ASPM: variants seen among roughly 807,000 people sequenced by gnomAD.
ASPM encodes assembly factor for spindle microtubules, also known as abnormal spindle-like microcephaly-associated protein.
ASPM carries 256 observed loss-of-function variants against 366.4 expected under a neutral mutation model. That is an observed-to-expected ratio of 0.70 (90% CI 0.63 to 0.77). The LOEUF (loss-of-function observed/expected upper bound fraction) is 0.77. Among genes scored for constraint, ASPM ranks in the 30% least tolerant of loss-of-function variants. The pLI is 0.00. For missense variants in ASPM, 4,146 were observed against 4,090.4 expected, an observed-to-expected ratio of 1.01 and a Z score of -0.37; for synonymous variants, 1,414 against 1,342.9, an observed-to-expected ratio of 1.05 and a Z score of -1.16.
Position 197,130,070 on chromosome 1 carries a change from A to T in ASPM, c.2488-14T>A. ...TCCATAAGTTGTCTGAAAATAAATT[A>T]AAGCCAAAGTCAGAATTATGCTATC... On this transcript the variant is annotated splice_polypyrimidine_tract_variant and intron_variant, in intron 7 of 27. Transcript: ENST00000367409. 1 of 1,612,314 alleles carries T rather than the reference A, an allele frequency of 6.2e-7. No individual in the cohort carries two copies. The highest frequency in any genetic ancestry group is 8.5e-7 in the Non-Finnish European group (1 of 1,178,942).
Position 197,091,959 on chromosome 1 carries a change from T to G in ASPM, c.9392A>C (p.Tyr3131Ser). Residue 3131 changes from tyrosine (Y) to serine (S), a missense_variant, in exon 22 of 28, where the codon TAC (tyrosine) becomes TCC (serine). Coordinates refer to ENST00000367409, the MANE Select transcript of ASPM (RefSeq NM_018136.5). ...AVRIQRAYKL[Y>S]LAVKNANKQV... Reference sequence around the variant, plus strand: ...CTTGTTAGCATTCTTCACAGCCAGGTAAAGTTTATAGGCTCTTTGAATTCT... The same window carrying G: ...CTTGTTAGCATTCTTCACAGCCAGGGAAAGTTTATAGGCTCTTTGAATTCT... 2 of 1,611,636 alleles carry G rather than the reference T, an allele frequency of 1.2e-6. No individual in the cohort carries two copies. The highest frequency in any genetic ancestry group is 1.7e-6 in the Non-Finnish European group (2 of 1,178,848).
chr1:197,100,377 T>C, intron 18 of ASPM, 54 bp downstream of exon 18: 6 of 1,192,368 alleles, frequency 5.0e-6, no homozygotes, highest in Non-Finnish European at 7.0e-6. Flanking sequence ...TTCTAACAAA[T>C]ATTGGTCAAA....
chr1:197,122,190 G>T lies in ASPM; in HGVS notation c.3710C>A (p.Ser1237Ter). The T allele has an allele frequency of 6.2e-7, 1 of 1,611,910 alleles. No individual in the cohort carries two copies. The highest frequency in any genetic ancestry group is 1.1e-5 in the South Asian group (1 of 91,010). Residue 1237 changes from serine to a stop codon, truncating the protein, a stop_gained, in exon 15 of 28, where the codon TCA (serine) becomes TAA (stop). Transcript: ENST00000367409. LOFTEE classifies it high-confidence loss of function. The stretch of plus-strand genomic sequence containing the variant: ...ATCTGGAATTGTATTTGACATATCT[G>T]AATGATTAATCATAGCAGGTATTCC... ...LGGIPAMINH[S>*]DMSNTIPDEK...
At chr1:197,118,053 A>T in intron 16 of ASPM, 70 bp from the exon 17 acceptor site, 1 of 1,415,872 alleles carries the variant, frequency 7.1e-7, no homozygotes, top group South Asian at 1.2e-5. Context: ...TTTGTAAGAT[A>T]ACCATATGTT....
At position 197,117,825 on chromosome 1, in the gene ASPM, C is replaced by A; in HGVS notation, c.4029G>T (p.Leu1343=). 2 of 1,612,652 alleles carry A rather than the reference C, an allele frequency of 1.2e-6. No homozygotes were observed. The highest frequency in any genetic ancestry group is 1.3e-5 in the African/African-American group (1 of 74,916). The part of the protein sequence containing the change: ...RKLLMLKKEK[L]EKVQNKAASL... ...ATGCTGCTTTATTTTGAACTTTTTC[C>A]AGCTTTTCCTTTTTTAACATTAATA... Residue 1343 remains leucine (L), a synonymous_variant, in exon 17 of 28, where the codon CTG becomes CTT. Coordinates refer to ENST00000367409, the MANE Select transcript of ASPM (RefSeq NM_018136.5).
At chr1:197,084,587 T>C (rs575096919) in intron 27 of ASPM, among the ~76,000 whole-genome samples, 161 bp from the exon 28 acceptor site, 23 of 152,304 alleles carry the variant, frequency 1.5e-4, no homozygotes, top group Non-Finnish European at 2.5e-4. Context: ...TGCCCATCAC[T>C]AGTTCCAGAC....
chr1:197,104,134 A>G lies in ASPM; in HGVS notation c.5117T>C (p.Leu1706Pro), dbSNP rs1178372833. 1 of 1,612,800 alleles carries G rather than the reference A, an allele frequency of 6.2e-7. No homozygotes were observed. The highest frequency in any genetic ancestry group is 1.3e-5 in the African/African-American group (1 of 74,822). ...KQYLHLRAAA[L>P]FIQQCYRSKK... ...GGAACGGTAACATTGCTGGATAAAT[A>G]GTGCAGCTGCTCTTAAATGCAAATA... Residue 1706 changes from leucine (L) to proline (P), a missense_variant, in exon 18 of 28, where the codon CTA becomes CCA. Around this residue, in one of 3 missense-constraint regions of ASPM, gnomAD observed 3,624 missense variants for 3,591.7 expected, o/e 1.01. Transcript: ENST00000367409.
chr1:197,135,392 T>G, intron 4 of ASPM, 150 bp from the exon 5 acceptor site: 2 of 818,496 alleles, frequency 2.4e-6, no homozygotes, highest in African/African-American at 1.7e-5. Flanking sequence ...CTGAAAGCAT[T>G]TTGGGTAAGA....
chr1:197,145,745 CAG>C (rs1259103098), intron 1 of ASPM, among the ~76,000 whole-genome samples: 1 of 151,964 alleles, frequency 6.6e-6, no homozygotes, highest in African/African-American at 2.4e-5. Context: ...GTCAATTTAA[CAG>C]AGAAGTCTAT....
At chr1:197,126,171 T>TG (rs1395011768) in intron 10 of ASPM, among the ~76,000 whole-genome samples, 4 of 151,198 alleles carry the variant, frequency 2.6e-5, no homozygotes, top group African/African-American at 9.7e-5. Context: ...CCAGCCGCGG[T>TG]GGCTCACGCC....
chr1:197,096,472 T>G (rs1656979536), intron 18 of ASPM, among the ~76,000 whole-genome samples: 1 of 151,880 alleles, frequency 6.6e-6, no homozygotes, highest in East Asian at 1.9e-4. Flanking sequence ...CCCCACATTA[T>G]GTAAATTATC....
rs1215586674 is a variant in ASPM at position 197,103,558 on chromosome 1, T to C, written c.5693A>G (p.His1898Arg). The C allele has an allele frequency of 6.2e-7, 1 of 1,612,990 alleles. No individual in the cohort carries two copies. Among genetic ancestry groups the C allele is most frequent in the Non-Finnish European group, 8.5e-7 (1 of 1,179,518 alleles). Residue 1898 changes from histidine (H) to arginine (R), a missense_variant, in exon 18 of 28, where the codon CAT becomes CGT. Physicochemically the swap from His to Arg is conservative, Grantham distance 29 (BLOSUM62 0). This residue lies in a region of ASPM where 3,624 missense variants were observed against 3,591.7 expected (regional missense o/e 1.01). Coordinates refer to ENST00000367409, the MANE Select transcript of ASPM (RefSeq NM_018136.5). Reference sequence around the variant, plus strand: ...AGACTGAATCTTCAAGGCAGCTTGATGTTCCCTTCTAATCTGTTTCCGAAC... The same window carrying C: ...AGACTGAATCTTCAAGGCAGCTTGACGTTCCCTTCTAATCTGTTTCCGAAC... The part of the protein sequence containing the change: ...WKVRKQIRRE[H>R]QAALKIQSAF...
At position 197,093,128 on chromosome 1, in the gene ASPM, C is replaced by T. The variant is rs904280556; in HGVS notation, c.9218G>A (p.Arg3073Lys). The T allele has an allele frequency of 6.2e-7, 1 of 1,612,278 alleles. No homozygotes were observed. The highest frequency in any genetic ancestry group is 1.1e-5 in the South Asian group (1 of 91,040). ...TTTTTTAAATTCAATATATTTTATC[C>T]TTTCATGCTTTCCAGCCTCCCTGGC... ...IRAREAGKHE[R>K]IKYIEFKKST... The change falls in exon 21 of 28, where the codon AGG (arginine) becomes AAG (lysine). Residue 3073 changes from arginine (R) to lysine (K), a missense_variant. Arg to Lys is a conservative substitution (Grantham distance 26). Around this residue, in one of 3 missense-constraint regions of ASPM, gnomAD observed 3,624 missense variants for 3,591.7 expected, o/e 1.01. Coordinates refer to ENST00000367409, the MANE Select transcript of ASPM (RefSeq NM_018136.5).
intron 7 of ASPM, 64 bp downstream of exon 7, chr1:197,132,221 G>T: frequency 1.6e-6 from 2 of 1,230,430 alleles, no homozygotes; most frequent in Non-Finnish European, 2.3e-6. Context: ...AATAAAATGA[G>T]TCTATTCTAC....
At chr1:197,093,296 T>A in intron 20 of ASPM, 35 bp from the exon 21 acceptor site, 1 of 1,545,466 alleles carries the variant, frequency 6.5e-7, no homozygotes, top group Non-Finnish European at 8.9e-7. Context: ...CATTAATGGG[T>A]AGAAAGAAAA....
chr1:197,103,421 A>C lies in ASPM; in HGVS notation c.5830T>G (p.Tyr1944Asp). ...AGTACCGCATGACGGAGTTCAATAT[A>C]CTCCATACATTGCTTCCTTCCTGCA... ...WTAGRKQCME[Y>D]IELRHAVLVL... Residue 1944 changes from tyrosine (Y) to aspartate (D), a missense_variant, in exon 18 of 28, where the codon TAT (tyrosine) becomes GAT (aspartate). Tyr to Asp is a radical substitution (Grantham distance 160). Coordinates refer to ENST00000367409, the MANE Select transcript of ASPM (RefSeq NM_018136.5). 6.2e-7 allele frequency: 1 copy of C among 1,613,230 alleles called. No individual in the cohort carries two copies. The highest frequency in any genetic ancestry group is 8.5e-7 in the Non-Finnish European group (1 of 1,179,508).
chr1:197,096,159 C>T lies in ASPM; in HGVS notation c.8826G>A (p.Met2942Ile). The T allele has an allele frequency of 6.2e-7, 1 of 1,600,510 alleles. No individual in the cohort carries two copies. Among genetic ancestry groups the T allele is most frequent in the Non-Finnish European group, 8.5e-7 (1 of 1,169,776 alleles). The change falls in exon 19 of 28, where the codon ATG (methionine) becomes ATA (isoleucine). Residue 2942 changes from methionine (M) to isoleucine (I), a missense_variant. Met to Ile is a conservative substitution (Grantham distance 10). This residue lies in a region of ASPM where 3,624 missense variants were observed against 3,591.7 expected (regional missense o/e 1.01). Transcript: ENST00000367409. ...IKNSTIKIQA[M>I]WRRYRAKKYL... ...ATTTCTTGGCTCTATATCTCCTCCA[C>T]ATAGCCTATTAAATACATAAATATA...
At chr1:197,126,415 G>A (rs1658089935) in intron 10 of ASPM, among the ~76,000 whole-genome samples, 1 of 132,324 alleles carries the variant, frequency 7.6e-6, no homozygotes, top group Non-Finnish European at 1.5e-5. Context: ...ACGCCAGCCT[G>A]GGTGACAGAG....
intron 21 of ASPM, among the ~76,000 whole-genome samples, 166 bp from the exon 22 acceptor site, chr1:197,092,222 G>A (rs1240714408): frequency 1.3e-5 from 2 of 151,328 alleles, no homozygotes; most frequent in Admixed American, 1.3e-4. Flanking sequence ...TTACAATATT[G>A]TACTATACAA....
Sources: gnomAD v4.1 joint callset for allele counts (sites outside exome capture counted in the v4.1 genomes callset) on GRCh38, gnomAD v4.1.1 for gene constraint, gnomAD v4.1.1 regional missense constraint, MANE v1.5 for transcripts, NCBI Gene and HGNC (gene_info 2026-07-23, HGNC 2026-07-21) for gene names.